The following MAP3K3 variants were observed in gnomAD, a reference collection of about 807,000 sequenced individuals.
The protein encoded by MAP3K3 is MAP/ERK kinase kinase 3.
A neutral mutation model predicts 80.9 loss-of-function variants in MAP3K3; 12 were observed. The observed-to-expected ratio is 0.15, with a 90% CI of 0.10 to 0.24. The LOEUF is 0.24. Ranked by LOEUF, MAP3K3 falls within the 10% of genes least tolerant of loss-of-function variation. The probability of loss-of-function intolerance (pLI) is 1.00; values close to 1 mark genes in which losing one functional copy is unlikely to be tolerated. For missense variants in MAP3K3, 596 were observed against 834.7 expected (o/e 0.71, Z 3.52); for synonymous variants, 272 against 307.1 (o/e 0.89, Z 1.19).
At position 63,652,630 on chromosome 17, in the gene MAP3K3, C is replaced by T. The variant is rs919542124; in HGVS notation, c.241C>T (p.Leu81Phe). 5 of 1,613,494 alleles carry T rather than the reference C, an allele frequency of 3.1e-6. No homozygotes were observed. The African/African-American group carries it at 6.7e-5, about 22-fold the overall frequency. Residue 81 changes from leucine (L) to phenylalanine (F), a missense_variant, in exon 4 of 16, where the codon CTT becomes TTT. Physicochemically the swap from Leu to Phe is conservative, Grantham distance 22. Transcript: ENST00000361733. ...HKVTTVFGQP[L>F]DLHYMNNELS... is the part of the protein sequence containing the mutation. ...GGTGACAACAGTATTTGGACAACCTCTTGATCTACATTACATGAACAATGA... is the reference window on the plus strand; with the variant it reads ...GGTGACAACAGTATTTGGACAACCTTTTGATCTACATTACATGAACAATGA...
chr17:63,662,650 ATTTTTTTTTTTT>A lies in MAP3K3; in HGVS notation c.382-4276_382-4265del, dbSNP rs1192833142. The stretch of plus-strand genomic sequence containing the variant: ...TGTCAGTCACCATCCAGAAGAGGGA[ATTTTTTTTTTTT>A]TTTTTTTTTTTTTGGGATGGAGTCT... On this transcript the variant is annotated intron_variant, in intron 5 of 15. Coordinates refer to ENST00000361733, the MANE Select transcript of MAP3K3 (RefSeq NM_002401.5). Among the ~76,000 whole-genome samples the A allele has an allele frequency of 8.5e-3, 706 of 82,640 alleles. 5 individuals are homozygous for A. Among genetic ancestry groups the A allele is most frequent in the African/African-American group, 0.038 (640 of 17,004 alleles). The allele number at this position is 82,640 out of a possible 152,430, so 54.2% of individuals were successfully genotyped here.
At chr17:63,627,907 CTTT>C (rs746879747) in intron 1 of MAP3K3, among the ~76,000 whole-genome samples, 1 of 143,018 alleles carries the variant, frequency 7.0e-6, no homozygotes, top group Admixed American at 7.0e-5. Context: ...TTCTTCAATC[CTTT>C]TTTTTTTTTT....
intron 5 of MAP3K3, among the ~76,000 whole-genome samples, chr17:63,659,745 C>A (rs1044308271): frequency 6.6e-6 from 1 of 151,962 alleles, no homozygotes; most frequent in Admixed American, 6.6e-5. Context: ...GTTGGCCAGA[C>A]TGGTCTTGAA....
At position 63,686,999 on chromosome 17, in the gene MAP3K3, GTGA is replaced by G. The variant is rs2035464085; in HGVS notation, c.710+1414_710+1416del. Among the ~76,000 whole-genome samples the G allele has an allele frequency of 2.6e-5, 4 of 152,274 alleles. No individual in the cohort carries two copies. The South Asian group carries it at 8.3e-4, about 32-fold the overall frequency. ...ATTTCCCCATCTCCAAAATGGGATG[GTGA>G]TGATTAAGGTGAAAGAAAGATGCCT... On this transcript the variant is annotated intron_variant, in intron 8 of 15. Coordinates refer to ENST00000361733, the MANE Select transcript of MAP3K3 (RefSeq NM_002401.5).
Position 63,692,098 on chromosome 17 carries a change from C to T in MAP3K3, c.1475-144C>T. ...GCGGTAGATCTGAGACTCCCCTTTG[C>T]TAAATCCTTTGCCCTTTGCAGTTCA... On this transcript the variant is annotated intron_variant, in intron 14 of 15. Transcript: ENST00000361733. This position sits in a 1 kb window ranked among gnomAD's most constrained non-coding sequence, Gnocchi z 4.5. 1 of 1,014,406 alleles carries T rather than the reference C, an allele frequency of 9.9e-7. No homozygotes were observed. The highest frequency in any genetic ancestry group is 1.5e-6 in the Non-Finnish European group (1 of 685,886). The allele number at this position is 1,014,406 out of a possible 1,614,324, so 62.8% of individuals were successfully genotyped here. A position where few individuals can be genotyped will look rare whatever the true frequency, so the allele number is the denominator to read the frequency against.
At position 63,691,738 on chromosome 17, in the gene MAP3K3, G is replaced by C. The variant is rs780121129; in HGVS notation, c.1350G>C (p.Ser450=). 6.2e-6 allele frequency: 10 copies of C among 1,613,334 alleles called. No homozygotes were observed. The African/African-American group carries it at 1.1e-4, about 17-fold the overall frequency. Residue 450 remains serine (S), a synonymous_variant, in exon 14 of 16, where the codon TCG becomes TCC. Coordinates refer to ENST00000361733, the MANE Select transcript of MAP3K3 (RefSeq NM_002401.5). The surrounding 1 kb of genome is among the most constrained non-coding windows in gnomAD (Gnocchi z 4.8). Reference sequence around the variant, plus strand: ...TGACTTCTTGTGGCCTCCAGGGCTCGGTGAAAGACCAGTTGAAGGCTTACG... The same window carrying C: ...TGACTTCTTGTGGCCTCCAGGGCTCCGTGAAAGACCAGTTGAAGGCTTACG... ...TIFMEYMPGG[S]VKDQLKAYGA... is the part of the protein sequence containing the mutation.
At chr17:63,656,942 G>A (rs1488196350) in intron 4 of MAP3K3, among the ~76,000 whole-genome samples, 1 of 152,138 alleles carries the variant, frequency 6.6e-6, no homozygotes, top group Non-Finnish European at 1.5e-5. Flanking sequence ...TCCTTCATAT[G>A]GCGACAGGAG....
In MAP3K3 at chr17:63,657,874, T is replaced by A. The variant is rs1598088794; in HGVS notation, c.348T>A (p.Leu116=). The A allele has an allele frequency of 6.2e-7, 1 of 1,606,474 alleles. No individual in the cohort carries two copies. The highest frequency in any genetic ancestry group is 8.5e-7 in the Non-Finnish European group (1 of 1,174,568). ...ILDRSSSMKS[L]RILLLSQDRN... ...ATAGAAGCTCAAGCATGAAAAGCCT[T>A]AGGATATTGCTGTTGTCCCAGGACA... Residue 116 remains leucine (L), a synonymous_variant, in exon 5 of 16, where the codon CTT becomes CTA. Coordinates refer to ENST00000361733, the MANE Select transcript of MAP3K3 (RefSeq NM_002401.5).
At chr17:63,649,303 G>C (rs145743099) in intron 3 of MAP3K3, among the ~76,000 whole-genome samples, 1 of 151,982 alleles carries the variant, frequency 6.6e-6, no homozygotes, top group African/African-American at 2.4e-5. Context: ...TGGGTGTGGT[G>C]GTGCACACCT....
intron 3 of MAP3K3, 66 bp downstream of exon 3, chr17:63,646,140 C>A: frequency 7.1e-7 from 1 of 1,415,464 alleles, no homozygotes; most frequent in South Asian, 1.2e-5. Context: ...GCATTGAGTT[C>A]ATGGAAGTCA....
chr17:63,636,987 TC>T, intron 2 of MAP3K3: 1 of 618,838 alleles, frequency 1.6e-6, no homozygotes, highest in African/African-American at 1.9e-5. Flanking sequence ...GGCTACGGTA[TC>T]CGGAAGCTGC....
At position 63,693,594 on chromosome 17, in the gene MAP3K3, G is replaced by T. The variant is rs2229673; in HGVS notation, c.1698G>T (p.Pro566=). Residue 566 remains proline, a synonymous_variant, in exon 16 of 16, where the codon CCG becomes CCT. Coordinates refer to ENST00000361733, the MANE Select transcript of MAP3K3 (RefSeq NM_002401.5). The surrounding 1 kb of genome is among the most constrained non-coding windows in gnomAD (Gnocchi z 4.2). ...TVVEMLTEKP[P]WAEYEAMAAI... Reference sequence around the variant, plus strand: ...TGGAGATGCTGACAGAGAAACCACCGTGGGCAGAGTATGAAGCTATGGCCG... The same window carrying T: ...TGGAGATGCTGACAGAGAAACCACCTTGGGCAGAGTATGAAGCTATGGCCG... The T allele has an allele frequency of 1.2e-6, 2 of 1,608,496 alleles. No individual in the cohort carries two copies. The highest frequency in any genetic ancestry group is 1.3e-5 in the African/African-American group (1 of 74,632).
rs1364538093 is a variant in MAP3K3 at position 63,622,742 on chromosome 17, G to A, written c.-18G>A. 4 of 519,444 alleles carry A rather than the reference G, an allele frequency of 7.7e-6. No individual in the cohort carries two copies. Among genetic ancestry groups the A allele is most frequent in the African/African-American group, 2.0e-5 (1 of 48,952 alleles). 32.2% of individuals were successfully genotyped at this position (519,444 alleles called of 1,614,324 possible). ...GTGACACTCACGGACCTTAGCCACC[G>A]CCGCCGCCATCGCCACCATGGGTAA... On this transcript the variant is annotated 5_prime_UTR_variant, in exon 1 of 16. Transcript: ENST00000361733.
At chr17:63,685,471 G>A in intron 7 of MAP3K3, 46 bp from the exon 8 acceptor site, 2 of 1,483,814 alleles carry the variant, frequency 1.3e-6, no homozygotes, top group Admixed American at 1.7e-5. Context: ...TCACTGGGGG[G>A]AATTGGGGCT....
At chr17:63,661,140 A>T (rs1487774296) in intron 5 of MAP3K3, among the ~76,000 whole-genome samples, 2 of 152,048 alleles carry the variant, frequency 1.3e-5, no homozygotes, top group Admixed American at 6.5e-5. Context: ...TCCGCCTCCC[A>T]GATTCAAGTG....
At chr17:63,623,273 G>C (rs2034031615) in intron 1 of MAP3K3, among the ~76,000 whole-genome samples, 1 of 152,222 alleles carries the variant, frequency 6.6e-6, no homozygotes, top group Non-Finnish European at 1.5e-5. Flanking sequence ...CCCTGTGCGC[G>C]CCCCAGCGCA....
Position 63,693,577 on chromosome 17 carries a change from C to T in MAP3K3, c.1681C>T (p.Leu561=). 8 of 1,608,066 alleles carry T rather than the reference C, an allele frequency of 5.0e-6. No homozygotes were observed. Among genetic ancestry groups the T allele is most frequent in the Non-Finnish European group, 6.8e-6 (8 of 1,177,220 alleles). ...WSLGCTVVEM[L]TEKPPWAEYE... Reference sequence around the variant, plus strand: ...CCTGGGCTGCACTGTGGTGGAGATGCTGACAGAGAAACCACCGTGGGCAGA... The same window carrying T: ...CCTGGGCTGCACTGTGGTGGAGATGTTGACAGAGAAACCACCGTGGGCAGA... The change falls in exon 16 of 16, where the codon CTG becomes TTG. Residue 561 remains leucine, a synonymous_variant. Coordinates refer to ENST00000361733, the MANE Select transcript of MAP3K3 (RefSeq NM_002401.5). The surrounding 1 kb of genome is among the most constrained non-coding windows in gnomAD (Gnocchi z 4.2).
chr17:63,673,144 A>C (rs887609124), intron 6 of MAP3K3, among the ~76,000 whole-genome samples: 2 of 152,220 alleles, frequency 1.3e-5, no homozygotes, highest in Non-Finnish European at 2.9e-5. Context: ...ATCAAATTCC[A>C]GACATGTATA....
At chr17:63,643,451 C>T (rs113119439) in intron 2 of MAP3K3, among the ~76,000 whole-genome samples, 3,409 of 152,070 alleles carry the variant, frequency 0.022, 70 homozygotes, top group Non-Finnish European at 0.033. Flanking sequence ...GTCAAGGCTG[C>T]AGTGAGCCGT....
Sources: gnomAD v4.1 joint callset for allele counts (sites outside exome capture counted in the v4.1 genomes callset) on GRCh38, gnomAD v4.1.1 for gene constraint, Gnocchi (gnomAD v3.1) non-coding constraint, MANE v1.5 for transcripts, NCBI Gene and HGNC (gene_info 2026-07-23, HGNC 2026-07-21) for gene names.